The following GFRA1 variants were observed in gnomAD, a reference collection of about 807,000 sequenced individuals.
The protein encoded by GFRA1 is GDNF family receptor alpha 1.
GFRA1 carries 16 observed loss-of-function variants against 51.6 expected under a neutral mutation model. The ratio of observed to expected loss-of-function variants is 0.31; its 90% CI spans 0.21 to 0.47. The LOEUF (loss-of-function observed/expected upper bound fraction) is 0.47, where lower values mean the gene tolerates loss of function less well. GFRA1 is among the 20% of genes least tolerant of loss of function. GFRA1 has a pLI of 1.00. For synonymous variants in GFRA1, 270 were observed against 241.3 expected (o/e 1.12, Z -1.10); for missense variants, 530 against 594.3 (o/e 0.89, Z 1.13).
At chr10:116,075,115 C>G (rs1955558724) in intron 9 of GFRA1, among the ~76,000 whole-genome samples, 1 of 152,158 alleles carries the variant, frequency 6.6e-6, no homozygotes, top group Non-Finnish European at 1.5e-5. Flanking sequence ...CTCTGGACCA[C>G]AGGTGCAGGT....
At chr10:116,172,481 G>A (rs1961128474) in intron 5 of GFRA1, among the ~76,000 whole-genome samples, 1 of 152,164 alleles carries the variant, frequency 6.6e-6, no homozygotes. Context: ...TGAGAGATGA[G>A]GAGGAACTCC....
chr10:116,235,564 T>TG (rs888392018), intron 4 of GFRA1, among the ~76,000 whole-genome samples: 1 of 152,026 alleles, frequency 6.6e-6, no homozygotes, highest in African/African-American at 2.4e-5. Flanking sequence ...GTTGAGACTG[T>TG]GGGGGGTGGT....
intron 5 of GFRA1, among the ~76,000 whole-genome samples, chr10:116,131,747 A>G (rs756639549): frequency 2.0e-5 from 3 of 151,990 alleles, no homozygotes; most frequent in Non-Finnish European, 4.4e-5. Context: ...CTTCCAGGGA[A>G]TGGGGGTGAG....
At chr10:116,129,921 A>G (rs1465813735) in intron 5 of GFRA1, among the ~76,000 whole-genome samples, 1 of 151,876 alleles carries the variant, frequency 6.6e-6, no homozygotes, top group Non-Finnish European at 1.5e-5. Context: ...AATAATAATT[A>G]TATATATTAT....
At chr10:116,226,862 C>T (rs568380025) in intron 4 of GFRA1, 76 of 269,874 alleles carry the variant, frequency 2.8e-4, no homozygotes, top group Non-Finnish European at 5.4e-4. Context: ...GAGCACGCAA[C>T]ATAGATCCCT....
In GFRA1 at chr10:116,174,592, A is replaced by G. The variant is rs189748435; in HGVS notation, c.433+37039T>C. Among the ~76,000 whole-genome samples, 30 of 152,346 alleles carry G rather than the reference A, an allele frequency of 2.0e-4. No homozygotes were observed. In the East Asian group the frequency reaches 4.2e-3, roughly 22 times the overall value. ...TCTCACACTAATAGGCTTCCATTTA[A>G]GAAGGCTCTCATAGCTGACAACAGA... is the stretch of plus-strand genomic sequence containing the variant. On this transcript the variant is annotated intron_variant, in intron 5 of 10. Coordinates refer to ENST00000355422, the MANE Select transcript of GFRA1 (RefSeq NM_005264.8).
intron 5 of GFRA1, among the ~76,000 whole-genome samples, chr10:116,157,212 A>G (rs1959233824): frequency 6.6e-6 from 1 of 152,210 alleles, no homozygotes; most frequent in Non-Finnish European, 1.5e-5. Flanking sequence ...AATATTTGGA[A>G]GTCATTTATT....
chr10:116,128,725 CAAAAAAA>C (rs67642059), intron 5 of GFRA1, among the ~76,000 whole-genome samples: 132 of 87,802 alleles, frequency 1.5e-3, no homozygotes, highest in Admixed American at 3.0e-3. Context: ...GACTCTGTCT[CAAAAAAA>C]AAAAAAAAAA....
chr10:116,245,020 C>T (rs10885886), intron 4 of GFRA1, among the ~76,000 whole-genome samples: 37,257 of 151,940 alleles, frequency 0.25, 4,942 homozygotes, highest in South Asian at 0.37. Context: ...ACTCTATCAG[C>T]AACTACAGAT....
intron 5 of GFRA1, among the ~76,000 whole-genome samples, chr10:116,159,260 C>G (rs1388518629): frequency 6.6e-6 from 1 of 152,192 alleles, no homozygotes; most frequent in Non-Finnish European, 1.5e-5. Context: ...GGACCCCACA[C>G]TGGCCCAGCT....
At chr10:116,147,560 TCAC>T (rs1958862465) in intron 5 of GFRA1, among the ~76,000 whole-genome samples, 3 of 28,352 alleles carry the variant, frequency 1.1e-4, no homozygotes, top group Admixed American at 3.4e-4. Flanking sequence ...TGTGACTCTG[TCAC>T]CACAAGTCAC....
chr10:116,110,634 GAC>G (rs1344901470), intron 6 of GFRA1, among the ~76,000 whole-genome samples: 1 of 152,176 alleles, frequency 6.6e-6, no homozygotes, highest in Non-Finnish European at 1.5e-5. Flanking sequence ...AGGAACCCAG[GAC>G]AGAGACTGTT....
At chr10:116,132,376 G>A (rs1449454677) in intron 5 of GFRA1, among the ~76,000 whole-genome samples, 1 of 151,292 alleles carries the variant, frequency 6.6e-6, no homozygotes, top group African/African-American at 2.4e-5. Flanking sequence ...AGCACATTCA[G>A]ATGTGAATAT....
chr10:116,119,014 T>A (rs1253544164), intron 6 of GFRA1, among the ~76,000 whole-genome samples: 1 of 152,122 alleles, frequency 6.6e-6, no homozygotes, highest in African/African-American at 2.4e-5. Flanking sequence ...AGGTCATAGC[T>A]GGGCAGGTCA....
intron 5 of GFRA1, among the ~76,000 whole-genome samples, chr10:116,161,734 T>C (rs1959822973): frequency 6.6e-6 from 1 of 152,226 alleles, no homozygotes; most frequent in Non-Finnish European, 1.5e-5. Context: ...TCATCTGCCA[T>C]GATTGTGAGG....
chr10:116,110,107 T>A (rs1957149530), intron 6 of GFRA1, among the ~76,000 whole-genome samples: 1 of 152,198 alleles, frequency 6.6e-6, no homozygotes, highest in Non-Finnish European at 1.5e-5. Flanking sequence ...TGTCGCCTCC[T>A]TCCCAAGAGG....
chr10:116,113,137 G>A (rs1957277976), intron 6 of GFRA1, among the ~76,000 whole-genome samples: 1 of 151,028 alleles, frequency 6.6e-6, no homozygotes. Context: ...CTTCCAGCCA[G>A]ATGCTAAATT....
intron 5 of GFRA1, among the ~76,000 whole-genome samples, chr10:116,151,004 CT>C (rs778616310): frequency 3.8e-4 from 56 of 146,626 alleles, no homozygotes; most frequent in South Asian, 8.6e-4. Context: ...TTGAGCTGCA[CT>C]TTTTTTTTTT....
chr10:116,273,709 GACACAC>G (rs141158777), upstream of GFRA1, among the ~76,000 whole-genome samples: 1 of 145,974 alleles, frequency 6.9e-6, no homozygotes, highest in African/African-American at 2.6e-5. Flanking sequence ...CACACACACA[GACACAC>G]ACACACACAT....
Sources: allele counts gnomAD v4.1 joint callset (sites outside exome capture counted in the v4.1 genomes callset), GRCh38; gene constraint gnomAD v4.1.1; transcripts MANE v1.5; gene names NCBI Gene and HGNC (gene_info 2026-07-23, HGNC 2026-07-21).